Variants in NACC2 observed in about 807,000 individuals in gnomAD.
The protein encoded by NACC2 is nucleus accumbens-associated protein 2.
NACC2 carries 8 observed loss-of-function variants against 25.1 expected under a neutral mutation model. The ratio of observed to expected loss-of-function variants is 0.32; its 90% CI spans 0.19 to 0.57. NACC2 has a LOEUF of 0.57. Ranked by LOEUF, NACC2 falls within the 20% of genes least tolerant of loss-of-function variation. NACC2 has a pLI of 0.89. For synonymous variants in NACC2, 435 were observed against 294.7 expected (o/e 1.48, Z -4.88); for missense variants, 644 against 650.2 (o/e 0.99, Z 0.10).
rs1840271067 is a variant in NACC2, at chr9:136,020,290, A to G, written c.887-3861T>C. On this transcript the variant is annotated intron_variant, in intron 2 of 5. Transcript: ENST00000277554. This position sits in a 1 kb window ranked among gnomAD's most constrained non-coding sequence, Gnocchi z 4.7. Reference sequence around the variant, plus strand: ...CTTTTCTCAACTCCCTGGGTTACTGATTGGGTTCTGAGGTGCTCCACGTCC... The same window carrying G: ...CTTTTCTCAACTCCCTGGGTTACTGGTTGGGTTCTGAGGTGCTCCACGTCC... Among the ~76,000 whole-genome samples the G allele has an allele frequency of 6.6e-6, 1 of 152,028 alleles. No homozygotes were observed. The highest frequency in any genetic ancestry group is 6.5e-5 in the Admixed American group (1 of 15,270).
chr9:136,038,722 G>C (rs1840590012), intron 2 of NACC2, among the ~76,000 whole-genome samples: 2 of 152,146 alleles, frequency 1.3e-5, no homozygotes, highest in South Asian at 4.1e-4. Context: ...CAAAGGACTG[G>C]AGGAGGAACA....
At chr9:136,052,744 C>G (rs1465915734) in intron 1 of NACC2, among the ~76,000 whole-genome samples, 1 of 152,238 alleles carries the variant, frequency 6.6e-6, no homozygotes, top group East Asian at 1.9e-4. Context: ...GAGGGCAAAG[C>G]GGCCGCCTCG....
rs1840150205 is a variant in NACC2 at position 136,013,706 on chromosome 9, C to A, written c.1157+158G>T. On this transcript the variant is annotated intron_variant, in intron 4 of 5. Coordinates refer to ENST00000277554, the MANE Select transcript of NACC2 (RefSeq NM_144653.5). This position sits in a 1 kb window ranked among gnomAD's most constrained non-coding sequence, Gnocchi z 6.6. ...CAGCCCCTCCCTCCCTCCCTGGGAGCCTCTCCACCGTCCTGGGGCCGACCG... is the reference window on the plus strand; with the variant it reads ...CAGCCCCTCCCTCCCTCCCTGGGAGACTCTCCACCGTCCTGGGGCCGACCG... Among the ~76,000 whole-genome samples the A allele has an allele frequency of 6.6e-6, 1 of 152,176 alleles. No homozygotes were observed. Among genetic ancestry groups the A allele is most frequent in the South Asian group, 2.1e-4 (1 of 4,828 alleles).
chr9:136,093,292 C>T (rs1248825729), intron 1 of NACC2, among the ~76,000 whole-genome samples: 1 of 152,220 alleles, frequency 6.6e-6, no homozygotes, highest in Admixed American at 6.5e-5. Flanking sequence ...ATAATGCAGC[C>T]TCATGCTTTA....
chr9:136,011,343 A>G lies in NACC2; in HGVS notation c.*173T>C, dbSNP rs1840103403. 1 of 727,524 alleles carries G rather than the reference A, an allele frequency of 1.4e-6. No individual in the cohort carries two copies. Among genetic ancestry groups the G allele is most frequent in the African/African-American group, 1.8e-5 (1 of 54,580 alleles). The allele number at this position is 727,524 out of a possible 1,614,324, so 45.1% of individuals were successfully genotyped here. On this transcript the variant is annotated 3_prime_UTR_variant, in exon 6 of 6. Coordinates refer to ENST00000277554, the MANE Select transcript of NACC2 (RefSeq NM_144653.5). ...CAGTGGCCTAATTGTTTACAGTATA[A>G]TGAATGCATTTGTTTCCTTCATCAA...
rs1257148063 is a variant in NACC2 at position 136,050,352 on chromosome 9, T to G, written c.170A>C (p.Asp57Ala). ...GCTCTTGCTGTTGCCGCTGAACAGG[T>G]CGCGGAAGTAGAGGCTGCTGGCGGC... ...VLAASSLYFR[D>A]LFSGNSKSAF... The change falls in exon 2 of 6, where the codon GAC becomes GCC. Residue 57 changes from aspartate (D) to alanine (A), a missense_variant. Asp to Ala is a moderately radical substitution (Grantham distance 126). Coordinates refer to ENST00000277554, the MANE Select transcript of NACC2 (RefSeq NM_144653.5). 15 of 746,326 alleles carry G rather than the reference T, an allele frequency of 2.0e-5. No homozygotes were observed. The highest frequency in any genetic ancestry group is 2.5e-5 in the Non-Finnish European group (10 of 406,960). The allele number at this position is 746,326 out of a possible 1,614,324, so 46.2% of individuals were successfully genotyped here. A position where few individuals can be genotyped will look rare whatever the true frequency, so the allele number is the denominator to read the frequency against.
chr9:136,085,497 ACT>A lies in NACC2; in HGVS notation c.-60+9690_-60+9691del, dbSNP rs570454089. Among the ~76,000 whole-genome samples the A allele has an allele frequency of 3.2e-3, 485 of 150,792 alleles. 1 individual carries two copies. The highest frequency in any genetic ancestry group is 0.015 in the South Asian group (73 of 4,792). On this transcript the variant is annotated intron_variant, in intron 1 of 5. Coordinates refer to ENST00000277554, the MANE Select transcript of NACC2 (RefSeq NM_144653.5). Reference sequence around the variant, plus strand: ...ACTCCAGCCTGGGCGACAGAGCAAGACTCTCAAAAAAAAAAAAAGTTTTTAAT... The same window carrying A: ...ACTCCAGCCTGGGCGACAGAGCAAGACTCAAAAAAAAAAAAAGTTTTTAAT...
intron 1 of NACC2, among the ~76,000 whole-genome samples, chr9:136,053,677 TCA>T (rs1277516417): frequency 6.6e-6 from 1 of 152,198 alleles, no homozygotes; most frequent in Admixed American, 6.5e-5. Flanking sequence ...ACAGCTCCCT[TCA>T]CAGACCCACT....
At chr9:136,072,821 G>A (rs557728164) in intron 1 of NACC2, among the ~76,000 whole-genome samples, 1 of 152,028 alleles carries the variant, frequency 6.6e-6, no homozygotes, top group South Asian at 2.1e-4. Context: ...TTGCACTCCA[G>A]CCTGGGCAAC....
chr9:136,011,926 G>T lies in NACC2; in HGVS notation c.1354C>A (p.Leu452Met). The change falls in exon 6 of 6, where the codon CTG becomes ATG. Residue 452 changes from leucine to methionine, a missense_variant. Transcript: ENST00000277554. ...TNARRVRKRW[L>M]PKIKSMLPEG... ...GGCAGCATGGACTTGATCTTGGGCA[G>T]CCAGCGCTTGCGAACGCGGCGGGCG... The T allele has an allele frequency of 6.3e-7, 1 of 1,598,672 alleles. No individual in the cohort carries two copies. The highest frequency in any genetic ancestry group is 2.3e-5 in the East Asian group (1 of 44,034).
intron 1 of NACC2, among the ~76,000 whole-genome samples, chr9:136,053,981 G>A (rs1416046249): frequency 2.6e-5 from 4 of 152,344 alleles, no homozygotes; most frequent in South Asian, 2.1e-4. Flanking sequence ...CCTAGGTCCC[G>A]TGGGCACCAG....
chr9:136,041,928 G>A (rs1840638675), intron 2 of NACC2, among the ~76,000 whole-genome samples: 2 of 152,082 alleles, frequency 1.3e-5, no homozygotes, highest in Non-Finnish European at 2.9e-5. Flanking sequence ...GTGCAACATC[G>A]ATCAACATTT....
chr9:136,061,862 G>A (rs1477201603), intron 1 of NACC2, among the ~76,000 whole-genome samples: 4 of 152,148 alleles, frequency 2.6e-5, no homozygotes, highest in African/African-American at 9.7e-5. Context: ...GCTCACAACT[G>A]TAATCCCAGC....
At chr9:136,058,979 C>T (rs974174313) in intron 1 of NACC2, among the ~76,000 whole-genome samples, 1 of 148,462 alleles carries the variant, frequency 6.7e-6, no homozygotes, top group Non-Finnish European at 1.5e-5. Context: ...GTGACTCTGG[C>T]CCCTGGGCCC....
intron 2 of NACC2, among the ~76,000 whole-genome samples, chr9:136,030,405 C>T (rs1331123714): frequency 6.6e-6 from 1 of 151,938 alleles, no homozygotes; most frequent in African/African-American, 2.4e-5. Flanking sequence ...GTCAGGAGAT[C>T]GAGACCATCC....
chr9:136,064,488 T>C (rs1469215735), intron 1 of NACC2, among the ~76,000 whole-genome samples: 1 of 152,192 alleles, frequency 6.6e-6, no homozygotes, highest in African/African-American at 2.4e-5. Flanking sequence ...TAGGAATACA[T>C]TTAACAAAAG....
chr9:136,014,023 G>A (rs958532144), intron 3 of NACC2, 54 bp from the exon 4 acceptor site: 10 of 964,350 alleles, frequency 1.0e-5, no homozygotes, highest in African/African-American at 1.7e-5. Flanking sequence ...CATAGGGTCC[G>A]AAGAGGCGCA....
At position 136,018,341 on chromosome 9, in the gene NACC2, G is replaced by A. The variant is rs190382683; in HGVS notation, c.887-1912C>T. 6.6e-6 allele frequency among the ~76,000 whole-genome samples: 1 copy of A among 152,178 alleles called. No homozygotes were observed. Among genetic ancestry groups the A allele is most frequent in the South Asian group, 2.1e-4 (1 of 4,826 alleles). The stretch of plus-strand genomic sequence containing the variant: ...CAGGGAGGGTCCCAGAGTCACCTTT[G>A]CACCCAGCGCCTGTCAGGGAGGGGC... On this transcript the variant is annotated intron_variant, in intron 2 of 5. Transcript: ENST00000277554. This position sits in a 1 kb window ranked among gnomAD's most constrained non-coding sequence, Gnocchi z 4.4.
At position 136,018,812 on chromosome 9, in the gene NACC2, C is replaced by A. The variant is rs1039346053; in HGVS notation, c.887-2383G>T. Reference sequence around the variant, plus strand: ...TTTAAAACATAATTACACACCCCCACCCCCGGTGCAGCCTGCTGTGATTAC... The same window carrying A: ...TTTAAAACATAATTACACACCCCCAACCCCGGTGCAGCCTGCTGTGATTAC... On this transcript the variant is annotated intron_variant, in intron 2 of 5. Transcript: ENST00000277554. The surrounding 1 kb of genome is among the most constrained non-coding windows in gnomAD (Gnocchi z 4.4). 7.9e-5 allele frequency among the ~76,000 whole-genome samples: 12 copies of A among 152,178 alleles called. No homozygotes were observed. Among genetic ancestry groups the A allele is most frequent in the Admixed American group, 2.0e-4 (3 of 15,282 alleles).
Sources: allele counts gnomAD v4.1 joint callset (sites outside exome capture counted in the v4.1 genomes callset), GRCh38; gene constraint gnomAD v4.1.1; non-coding constraint Gnocchi (gnomAD v3.1); transcripts MANE v1.5; gene names NCBI Gene and HGNC (gene_info 2026-07-23, HGNC 2026-07-21).